Variants in POR observed in about 807,000 individuals in gnomAD.
POR encodes NADPH--cytochrome P450 reductase.
POR carries 56 observed loss-of-function variants against 84.0 expected under a neutral mutation model. That is an observed-to-expected ratio of 0.67 (90% CI 0.54 to 0.83). The LOEUF is 0.83. Among genes scored for constraint, POR ranks in the 40% least tolerant of loss-of-function variants. POR has a pLI of 0.00. For missense variants in POR, 938 were observed against 944.3 expected, an observed-to-expected ratio of 0.99 and a Z score of 0.09; for synonymous variants, 414 against 400.5, an observed-to-expected ratio of 1.03 and a Z score of -0.40.
At chr7:75,971,249 C>G (rs931844024) in intron 2 of POR, among the ~76,000 whole-genome samples, 12 of 152,076 alleles carry the variant, frequency 7.9e-5, no homozygotes, top group Non-Finnish European at 1.6e-4. Context: ...GCATGAGCCA[C>G]TATGCCCGAC....
intron 3 of POR, among the ~76,000 whole-genome samples, chr7:75,973,489 T>G (rs925305303): frequency 6.6e-6 from 1 of 151,850 alleles, no homozygotes; most frequent in Non-Finnish European, 1.5e-5. Context: ...AATTTTTTAA[T>G]TTATTCTTCA....
At chr7:75,923,280 G>A (rs1806962591) in intron 1 of POR, 3 of 1,234,704 alleles carry the variant, frequency 2.4e-6, no homozygotes, top group Non-Finnish European at 3.5e-6. Context: ...TCATGAAATT[G>A]CCTTCCCAAG....
chr7:75,925,930 G>A (rs1375644963), intron 1 of POR, among the ~76,000 whole-genome samples: 1 of 151,994 alleles, frequency 6.6e-6, no homozygotes, highest in Non-Finnish European at 1.5e-5. Flanking sequence ...GAGCGATCTT[G>A]TGCCAGAGTG....
chr7:75,969,046 A>G (rs1788318034), intron 2 of POR, among the ~76,000 whole-genome samples: 2 of 152,180 alleles, frequency 1.3e-5, no homozygotes, highest in Admixed American at 6.5e-5. Context: ...CGGTTTCTTC[A>G]GCCATAAGCG....
In POR at chr7:75,984,710, C is replaced by T. The variant is rs6971082; in HGVS notation, c.1067-67C>T. Reference sequence around the variant, plus strand: ...AGCTGGCCCAAGGTGTCACCCCCTCCTGCCGCAGCCACCCATCCCCAGGAG... The same window carrying T: ...AGCTGGCCCAAGGTGTCACCCCCTCTTGCCGCAGCCACCCATCCCCAGGAG... On this transcript the variant is annotated intron_variant, in intron 10 of 15. Coordinates refer to ENST00000461988, the MANE Select transcript of POR (RefSeq NM_000941.3). The T allele has an allele frequency of 3.3e-3, 4,790 of 1,432,396 alleles. 105 individuals carry two copies. In the African/African-American group the frequency reaches 0.056, roughly 17 times the overall value. 88.7% of individuals were successfully genotyped at this position (1,432,396 alleles called of 1,614,324 possible).
Position 75,972,415 on chromosome 7 carries a change from C to T in POR, c.191C>T (p.Thr64Ile), listed in dbSNP as rs868909994. ...CATTGCACACTTTTGTCTTGCAGGA[C>T]CTCCTCTGTCAGAGAGAGCAGCTTT... The change falls in exon 3 of 16, where the codon ACC becomes ATC. Residue 64 changes from threonine to isoleucine, a missense_variant and splice_region_variant. Transcript: ENST00000461988. 31 of 1,610,098 alleles carry T rather than the reference C, an allele frequency of 1.9e-5. 1 individual carries two copies. The Middle Eastern group carries it at 6.6e-4, about 34-fold the overall frequency.
At chr7:75,930,115 T>A (rs1807334839) in intron 1 of POR, among the ~76,000 whole-genome samples, 1 of 152,208 alleles carries the variant, frequency 6.6e-6, no homozygotes, top group South Asian at 2.1e-4. Flanking sequence ...AGGTTTATCA[T>A]ATGAATCAAA....
intron 1 of POR, among the ~76,000 whole-genome samples, chr7:75,926,091 A>G (rs1451523803): frequency 3.1e-5 from 4 of 130,236 alleles, no homozygotes; most frequent in African/African-American, 6.0e-5. Flanking sequence ...ATCATTGCTC[A>G]CTGCAGTCTC....
intron 1 of POR, among the ~76,000 whole-genome samples, chr7:75,928,937 C>G (rs1807282427): frequency 6.6e-6 from 1 of 152,084 alleles, no homozygotes; most frequent in Non-Finnish European, 1.5e-5. Context: ...TCTAAAGGAG[C>G]ATCTTGGGTA....
chr7:75,984,722 C>T, intron 10 of POR, 55 bp from the exon 11 acceptor site: 1 of 1,531,904 alleles, frequency 6.5e-7, no homozygotes, highest in Non-Finnish European at 9.0e-7. Flanking sequence ...GCCGCAGCCA[C>T]CCATCCCCAG....
chr7:75,970,697 C>T (rs1788389803), intron 2 of POR, among the ~76,000 whole-genome samples: 1 of 149,876 alleles, frequency 6.7e-6, no homozygotes, highest in South Asian at 2.1e-4. Flanking sequence ...TGCAGTGAGC[C>T]AAGATCGTGC....
intron 1 of POR, chr7:75,923,042 A>C (rs1585083196): frequency 2.9e-6 from 2 of 683,858 alleles, no homozygotes; most frequent in East Asian, 5.0e-5. Flanking sequence ...GAAAGGATTG[A>C]TGGTGTGAGT....
intron 1 of POR, among the ~76,000 whole-genome samples, chr7:75,948,472 G>A (rs546361330): frequency 2.0e-5 from 3 of 152,272 alleles, no homozygotes; most frequent in East Asian, 3.9e-4. Flanking sequence ...CCTTACAGGC[G>A]TGAGACTGTG....
chr7:75,932,644 T>C (rs1005870721), intron 1 of POR, among the ~76,000 whole-genome samples: 5 of 152,028 alleles, frequency 3.3e-5, no homozygotes, highest in African/African-American at 9.7e-5. Flanking sequence ...TATAATGACA[T>C]TTGAGAATTT....
intron 3 of POR, among the ~76,000 whole-genome samples, chr7:75,973,776 G>A (rs1401303860): frequency 7.5e-6 from 1 of 133,008 alleles, no homozygotes; most frequent in South Asian, 2.4e-4. Context: ...TCACCTCCTC[G>A]GTTCAAGTGA....
At chr7:75,970,630 G>A (rs1429620735) in intron 2 of POR, among the ~76,000 whole-genome samples, 4 of 151,308 alleles carry the variant, frequency 2.6e-5, no homozygotes, top group African/African-American at 4.9e-5. Context: ...TACAAGTGTC[G>A]GCCACTGAGC....
chr7:75,959,293 C>T (rs1787829793), intron 2 of POR, among the ~76,000 whole-genome samples: 1 of 152,132 alleles, frequency 6.6e-6, no homozygotes, highest in African/African-American at 2.4e-5. Flanking sequence ...ATTCTAAATC[C>T]CACATCAGTG....
chr7:75,976,202 T>A (rs1369885675), intron 3 of POR, among the ~76,000 whole-genome samples: 2 of 152,204 alleles, frequency 1.3e-5, no homozygotes, highest in African/African-American at 4.8e-5. Flanking sequence ...CTGATAATCA[T>A]GAGCACTTTC....
chr7:75,981,228 G>C, intron 6 of POR, 56 bp downstream of exon 6: 3 of 1,480,742 alleles, frequency 2.0e-6, no homozygotes, highest in Non-Finnish European at 2.7e-6. Flanking sequence ...AGGGGCCGTG[G>C]AACGTGAGGG....
Sources: allele counts gnomAD v4.1 joint callset (sites outside exome capture counted in the v4.1 genomes callset), GRCh38; gene constraint gnomAD v4.1.1; transcripts MANE v1.5; gene names NCBI Gene and HGNC (gene_info 2026-07-23, HGNC 2026-07-21).